The following CHD7 variants were observed in gnomAD, a reference collection of about 807,000 sequenced individuals.
CHD7 encodes ATP-dependent chromatin remodeler CHD7.
In CHD7, 24 loss-of-function variants were observed where a neutral mutation model predicts 307.3. That is an observed-to-expected ratio of 0.08 (90% confidence interval 0.06 to 0.11). CHD7 has a LOEUF of 0.11. CHD7 is among the 10% of genes least tolerant of loss of function. CHD7 has a pLI of 1.00. For missense variants in CHD7, 3,106 were observed against 3,727.1 expected (o/e 0.83, Z 4.34); for synonymous variants, 1,363 against 1,349.9 (o/e 1.01, Z -0.21).
chr8:60,736,195 C>G (rs1808698613), intron 1 of CHD7, among the ~76,000 whole-genome samples: 2 of 152,162 alleles, frequency 1.3e-5, no homozygotes. Context: ...CTTCCTGATT[C>G]TTTATCCAGG....
intron 2 of CHD7, among the ~76,000 whole-genome samples, chr8:60,776,918 A>G (rs542690502): frequency 6.6e-6 from 1 of 152,330 alleles, no homozygotes; most frequent in South Asian, 2.1e-4. Flanking sequence ...TAAGATACCA[A>G]ATAGTATGTT....
intron 2 of CHD7, among the ~76,000 whole-genome samples, chr8:60,767,027 C>G (rs1387419046): frequency 6.6e-6 from 1 of 152,080 alleles, no homozygotes; most frequent in East Asian, 1.9e-4. Context: ...CAGGAAGAGC[C>G]TGGAAGATAG....
chr8:60,815,358 A>G (rs948643759), intron 7 of CHD7, among the ~76,000 whole-genome samples: 4 of 152,128 alleles, frequency 2.6e-5, no homozygotes, highest in Non-Finnish European at 4.4e-5. Context: ...GAGTACTAGT[A>G]TGTTGATTCT....
intron 17 of CHD7, among the ~76,000 whole-genome samples, chr8:60,837,435 C>T (rs1341627761): frequency 2.0e-5 from 3 of 152,166 alleles, no homozygotes; most frequent in Admixed American, 2.0e-4. Flanking sequence ...GGTTTATGGA[C>T]AGTTATCATC....
intron 3 of CHD7, among the ~76,000 whole-genome samples, chr8:60,787,357 A>G (rs913474917): frequency 6.6e-6 from 1 of 152,152 alleles, no homozygotes; most frequent in Admixed American, 6.5e-5. Flanking sequence ...TTCCTACTTC[A>G]TAGGATTGCT....
intron 1 of CHD7, among the ~76,000 whole-genome samples, chr8:60,690,250 A>G (rs1425693429): frequency 3.3e-5 from 5 of 152,178 alleles, no homozygotes; most frequent in African/African-American, 7.2e-5. Context: ...CGAATAGTCT[A>G]TGATGGTGTA....
rs2150804893 is a variant in CHD7, at chr8:60,850,608, A to G, written c.5520A>G (p.Ala1840=). 7 of 1,612,470 alleles carry G rather than the reference A, an allele frequency of 4.3e-6. No homozygotes were observed. The highest frequency in any genetic ancestry group is 5.9e-6 in the Non-Finnish European group (7 of 1,179,166). Residue 1840 remains alanine (A), a synonymous_variant, in exon 26 of 38, where the codon GCA becomes GCG. Transcript: ENST00000423902. ...AAEQRGTDML[A]DGGDGGEFDR... ...AGCAAAGAGGAACAGACATGCTAGC[A>G]GATGGTGGTGACGGGTAAGAAGGAC...
rs398124315 is a variant in CHD7, at chr8:60,741,588, A to G, written c.156A>G (p.Pro52=). The G allele has an allele frequency of 5.6e-6, 9 of 1,613,682 alleles. No homozygotes were observed. The highest frequency in any genetic ancestry group is 1.6e-4 in the Middle Eastern group (1 of 6,084). ...PIDQGFASLQ[P]SLHHPSTNQN... The stretch of plus-strand genomic sequence containing the variant: ...ACCAAGGCTTTGCCTCTTTACAGCC[A>G]TCCCTTCATCATCCTTCAACTAATC... The change falls in exon 2 of 38, where the codon CCA becomes CCG. Residue 52 remains proline (P), a synonymous_variant. Coordinates refer to ENST00000423902, the MANE Select transcript of CHD7 (RefSeq NM_017780.4).
At chr8:60,777,593 C>T (rs1811012491) in intron 2 of CHD7, among the ~76,000 whole-genome samples, 5 of 152,162 alleles carry the variant, frequency 3.3e-5, no homozygotes, top group Admixed American at 3.3e-4. Context: ...CTTCCCCCAT[C>T]GGGTCTCCTT....
At position 60,837,843 on chromosome 8, in the gene CHD7, C is replaced by T; in HGVS notation, c.4353+8C>T. On this transcript the variant is annotated splice_region_variant and intron_variant, in intron 18 of 37. Transcript: ENST00000423902. Reference sequence around the variant, plus strand: ...GAAAATGCTACCAATGGGGTAAAACCACCCTTGCCCAAACCATTTATTTAT... The same window carrying T: ...GAAAATGCTACCAATGGGGTAAAACTACCCTTGCCCAAACCATTTATTTAT... 1 of 1,602,528 alleles carries T rather than the reference C, an allele frequency of 6.2e-7. No individual in the cohort carries two copies. The highest frequency in any genetic ancestry group is 8.5e-7 in the Non-Finnish European group (1 of 1,173,212).
chr8:60,792,605 G>A (rs1397599724), intron 3 of CHD7, among the ~76,000 whole-genome samples: 3 of 152,146 alleles, frequency 2.0e-5, no homozygotes, highest in Non-Finnish European at 2.9e-5. Flanking sequence ...TATCTTGGAG[G>A]TTCCATACAG....
At chr8:60,862,877 C>T in intron 37 of CHD7, 1 of 526,946 alleles carries the variant, frequency 1.9e-6, no homozygotes, top group Non-Finnish European at 3.4e-6. Context: ...TGGAAACATA[C>T]ATTCACAATC....
intron 21 of CHD7, among the ~76,000 whole-genome samples, chr8:60,844,091 T>C (rs1301124732): frequency 2.0e-5 from 3 of 152,214 alleles, no homozygotes; most frequent in African/African-American, 4.8e-5. Flanking sequence ...ATGGCTCACA[T>C]AGCACCTGCT....
chr8:60,841,554 A>G (rs1315060879), intron 19 of CHD7, 90 bp from the exon 20 acceptor site: 86 of 952,554 alleles, frequency 9.0e-5, no homozygotes, highest in Admixed American at 1.9e-5. Context: ...GGAATGCACA[A>G]TATCGGAGCA....
intron 19 of CHD7, among the ~76,000 whole-genome samples, chr8:60,841,324 TG>T (rs765744239): frequency 1.3e-5 from 2 of 152,242 alleles, no homozygotes; most frequent in Non-Finnish European, 2.9e-5. Flanking sequence ...CATCATTTTA[TG>T]GAAGAGACTT....
At chr8:60,707,183 A>G (rs1462560302) in intron 1 of CHD7, among the ~76,000 whole-genome samples, 1 of 152,140 alleles carries the variant, frequency 6.6e-6, no homozygotes, top group African/African-American at 2.4e-5. Flanking sequence ...AGTAAGAAAC[A>G]CCTTTTGATG....
At chr8:60,853,724 T>G (rs1187199227) in intron 31 of CHD7, among the ~76,000 whole-genome samples, 2 of 152,210 alleles carry the variant, frequency 1.3e-5, no homozygotes, top group East Asian at 1.9e-4. Context: ...AAGGGTTGCA[T>G]GGACACATTA....
intron 23 of CHD7, among the ~76,000 whole-genome samples, chr8:60,846,484 T>C (rs1805216216): frequency 6.6e-6 from 1 of 152,232 alleles, no homozygotes; most frequent in Admixed American, 6.5e-5. Flanking sequence ...GAATATGCAT[T>C]TTTCCGTATC....
intron 2 of CHD7, among the ~76,000 whole-genome samples, chr8:60,759,578 A>T (rs1810073899): frequency 6.6e-6 from 1 of 151,376 alleles, no homozygotes; most frequent in South Asian, 2.1e-4. Flanking sequence ...ATGGTAAACA[A>T]CTCACTTTAA....
Sources: gnomAD v4.1 joint callset for allele counts (sites outside exome capture counted in the v4.1 genomes callset) on GRCh38, gnomAD v4.1.1 for gene constraint, MANE v1.5 for transcripts, NCBI Gene and HGNC (gene_info 2026-07-23, HGNC 2026-07-21) for gene names.